Variants in SPTBN4 observed in about 807,000 individuals in gnomAD.
SPTBN4 encodes the protein spectrin beta chain, non-erythrocytic 4.
In SPTBN4, 96 loss-of-function variants were observed where a neutral mutation model predicts 277.8. The ratio of observed to expected loss-of-function variants is 0.35; its 90% CI spans 0.29 to 0.41. The LOEUF is 0.41. Among genes scored for constraint, SPTBN4 ranks in the 10% least tolerant of loss-of-function variants. The probability of loss-of-function intolerance (pLI) is 1.00; values close to 1 mark genes in which losing one functional copy is unlikely to be tolerated. For synonymous variants in SPTBN4, 1,481 were observed against 1,580.3 expected (o/e 0.94, Z 1.49); for missense variants, 3,006 against 3,595.7 (o/e 0.84, Z 4.19).
Position 40,554,905 on chromosome 19 carries a change from G to A in SPTBN4, c.5084+259G>A, listed in dbSNP as rs1342419452. The A allele has an allele frequency of 6.5e-6, 3 of 461,868 alleles. No individual in the cohort carries two copies. The highest frequency in any genetic ancestry group is 1.2e-5 in the Non-Finnish European group (3 of 254,242). 28.6% of individuals were successfully genotyped at this position (461,868 alleles called of 1,614,324 possible). ...GTCGGGGGAGAAAAGAGTAGGCGAT[G>A]TCTAGGACTGGGGTAGAGAAGAATT... On this transcript the variant is annotated intron_variant, in intron 24 of 35. Coordinates refer to ENST00000598249, the MANE Select transcript of SPTBN4 (RefSeq NM_020971.3). This position sits in a 1 kb window ranked among gnomAD's most constrained non-coding sequence, Gnocchi z 5.7.
chr19:40,563,259 C>T (rs1004615810), intron 27 of SPTBN4, among the ~76,000 whole-genome samples: 13 of 151,810 alleles, frequency 8.6e-5, no homozygotes, highest in Non-Finnish European at 4.4e-5. Flanking sequence ...TGGTGCATGC[C>T]TGTAGTCCCA....
At chr19:40,558,383 G>C (rs1463969953) in intron 26 of SPTBN4, among the ~76,000 whole-genome samples, 1 of 151,224 alleles carries the variant, frequency 6.6e-6, no homozygotes, top group South Asian at 2.1e-4. Flanking sequence ...TTAGATAACA[G>C]GTCTCTGATG....
intron 6 of SPTBN4, among the ~76,000 whole-genome samples, chr19:40,497,003 G>A (rs2080204850): frequency 6.6e-6 from 1 of 151,206 alleles, no homozygotes; most frequent in South Asian, 2.1e-4. Context: ...AACCTCGGAG[G>A]CGGAGGTTGC....
At chr19:40,518,518 G>A (rs914205338) in intron 15 of SPTBN4, among the ~76,000 whole-genome samples, 15 of 151,740 alleles carry the variant, frequency 9.9e-5, no homozygotes, top group Non-Finnish European at 1.8e-4. Context: ...CTGCAGCCTC[G>A]ACTTCGCAGG....
chr19:40,520,917 T>A (rs941040347), intron 16 of SPTBN4, among the ~76,000 whole-genome samples: 1 of 151,958 alleles, frequency 6.6e-6, no homozygotes, highest in East Asian at 1.9e-4. Flanking sequence ...TCTACAGCAG[T>A]GGTCCCCAAT....
intron 2 of SPTBN4, among the ~76,000 whole-genome samples, chr19:40,477,352 T>A (rs536452480): frequency 6.6e-6 from 1 of 152,280 alleles, no homozygotes; most frequent in East Asian, 1.9e-4. Flanking sequence ...ATTTATTTTA[T>A]CTAGAAAATA....
Position 40,477,290 on chromosome 19 carries a change from C to G in SPTBN4, c.169+4500C>G, listed in dbSNP as rs571577359. ...ACTTGAACTCCTGGACTCAAGTGAT[C>G]CTCCCACCTTGGCCTCCCAAAGTGT... On this transcript the variant is annotated intron_variant, in intron 2 of 35. Coordinates refer to ENST00000598249, the MANE Select transcript of SPTBN4 (RefSeq NM_020971.3). Among the ~76,000 whole-genome samples the G allele has an allele frequency of 2.0e-5, 3 of 152,178 alleles. No individual in the cohort carries two copies. In the South Asian group the frequency reaches 6.2e-4, roughly 32 times the overall value.
At chr19:40,521,565 G>C (rs1474675955) in intron 16 of SPTBN4, among the ~76,000 whole-genome samples, 1 of 152,086 alleles carries the variant, frequency 6.6e-6, no homozygotes, top group African/African-American at 2.4e-5. Context: ...AATAGGGTTT[G>C]TGTTCCTATG....
chr19:40,528,424 C>T (rs1224221962), intron 17 of SPTBN4, among the ~76,000 whole-genome samples: 3 of 152,206 alleles, frequency 2.0e-5, no homozygotes, highest in African/African-American at 7.2e-5. Flanking sequence ...TCATCTCTCC[C>T]CACACTCTGC....
In SPTBN4 at chr19:40,570,648, A is replaced by C. The variant is rs754059545; in HGVS notation, c.7239A>C (p.Pro2413=). 6.6e-6 allele frequency: 10 copies of C among 1,521,702 alleles called. No individual in the cohort carries two copies. Among genetic ancestry groups the C allele is most frequent in the Admixed American group, 6.6e-5 (3 of 45,726 alleles). 94.3% of individuals were successfully genotyped at this position (1,521,702 alleles called of 1,614,324 possible). Residue 2413 remains proline (P), a synonymous_variant, in exon 33 of 36, where the codon CCA becomes CCC. Coordinates refer to ENST00000598249, the MANE Select transcript of SPTBN4 (RefSeq NM_020971.3). ...GCGGCTCCGCCCCCGCGCCTCCGCC[A>C]CCGCCCACTCACACAGTGCAGCACG... is the stretch of plus-strand genomic sequence containing the variant. The part of the protein sequence containing the change: ...AQGGSAPAPP[P]PPTHTVQHEG...
At chr19:40,547,023 ATTTTTTAATTAT>A (rs1327181180) in intron 20 of SPTBN4, among the ~76,000 whole-genome samples, 1 of 122,664 alleles carries the variant, frequency 8.2e-6, no homozygotes, top group Non-Finnish European at 1.8e-5. Flanking sequence ...ATGCAGAAGT[ATTTTTTAATTAT>A]TTTTTTAATT....
At chr19:40,563,497 C>G (rs759825885) in intron 27 of SPTBN4, among the ~76,000 whole-genome samples, 15 of 152,044 alleles carry the variant, frequency 9.9e-5, no homozygotes, top group Non-Finnish European at 2.1e-4. Context: ...CAAAGCAAAG[C>G]AAATGAAACT....
chr19:40,575,292 A>G (rs1434619827), intron 35 of SPTBN4, 119 bp from the exon 36 acceptor site: 4 of 1,196,572 alleles, frequency 3.3e-6, no homozygotes, highest in South Asian at 1.6e-5. Flanking sequence ...CATCATCATC[A>G]TCCCTTTTTA....
intron 16 of SPTBN4, among the ~76,000 whole-genome samples, chr19:40,522,228 A>T (rs935281266): frequency 6.6e-6 from 1 of 151,534 alleles, no homozygotes; most frequent in African/African-American, 2.4e-5. Flanking sequence ...GGATTTCACC[A>T]TGTTGCCCAG....
intron 20 of SPTBN4, among the ~76,000 whole-genome samples, chr19:40,536,713 C>T (rs1257945740): frequency 1.3e-5 from 2 of 152,200 alleles, no homozygotes; most frequent in Non-Finnish European, 2.9e-5. Flanking sequence ...TTTGGGAGGC[C>T]GAGGCAGGAG....
chr19:40,515,268 G>T lies in SPTBN4; in HGVS notation c.2766-43G>T, dbSNP rs757670994. 1.9e-6 allele frequency: 3 copies of T among 1,600,686 alleles called. No individual in the cohort carries two copies. Among genetic ancestry groups the T allele is most frequent in the African/African-American group, 2.7e-5 (2 of 74,680 alleles). On this transcript the variant is annotated intron_variant, in intron 14 of 35. Transcript: ENST00000598249. This position sits in a 1 kb window ranked among gnomAD's most constrained non-coding sequence, Gnocchi z 4.1. ...GTAGAAGGTATTTCATAAAACCAAGGTCCGCAGGGTTCGGGTGTCTGAGCA... is the reference window on the plus strand; with the variant it reads ...GTAGAAGGTATTTCATAAAACCAAGTTCCGCAGGGTTCGGGTGTCTGAGCA...
At position 40,472,612 on chromosome 19, in the gene SPTBN4, A is replaced by C. The variant is rs1599703586; in HGVS notation, c.-10A>C. ...CTACCTCTCCCTATGTCCAGGCCTC[A>C]CCTTCCCCGATGGCGCAGGTACCAG... On this transcript the variant is annotated 5_prime_UTR_variant, in exon 2 of 36. Transcript: ENST00000598249. 6.2e-7 allele frequency: 1 copy of C among 1,609,016 alleles called. No homozygotes were observed. The highest frequency in any genetic ancestry group is 8.5e-7 in the Non-Finnish European group (1 of 1,176,854).
At chr19:40,540,863 A>T (rs567931902) in intron 20 of SPTBN4, among the ~76,000 whole-genome samples, 1 of 151,786 alleles carries the variant, frequency 6.6e-6, no homozygotes, top group East Asian at 1.9e-4. Flanking sequence ...GGAGGTGGTA[A>T]ATGAAATATT....
intron 15 of SPTBN4, among the ~76,000 whole-genome samples, chr19:40,518,712 C>G (rs1163240952): frequency 6.6e-6 from 1 of 152,166 alleles, no homozygotes. Flanking sequence ...GTGTGAACCA[C>G]TGCACCCGGC....
Sources: gnomAD v4.1 joint callset for allele counts (sites outside exome capture counted in the v4.1 genomes callset) on GRCh38, gnomAD v4.1.1 for gene constraint, Gnocchi (gnomAD v3.1) non-coding constraint, MANE v1.5 for transcripts, NCBI Gene and HGNC (gene_info 2026-07-23, HGNC 2026-07-21) for gene names.